NREP: variants seen among roughly 807,000 people sequenced by gnomAD.
NREP encodes the protein neuronal regeneration related protein, also known as neuronal regeneration-related protein.
NREP carries 5 observed loss-of-function variants against 8.6 expected under a neutral mutation model. That is an observed-to-expected ratio of 0.58 (90% CI 0.30 to 1.22). NREP has a LOEUF of 1.22. Ranked by LOEUF, NREP falls within the 50% of genes most tolerant of loss-of-function variation. The pLI is 0.07. For missense variants in NREP, 86 were observed against 82.5 expected (o/e 1.04, Z -0.17); for synonymous variants, 27 against 28.0 (o/e 0.96, Z 0.11).
chr5:111,835,886 C>T (rs1383916330), intron 2 of NREP, among the ~76,000 whole-genome samples: 1 of 152,014 alleles, frequency 6.6e-6, no homozygotes, highest in Non-Finnish European at 1.5e-5. Context: ...TAGTCTGAGA[C>T]TGAAAATGGG....
chr5:111,737,807 CAT>C (rs1015125991), intron 2 of NREP, among the ~76,000 whole-genome samples: 5 of 151,578 alleles, frequency 3.3e-5, no homozygotes, highest in African/African-American at 9.7e-5. Context: ...GCAAAACACA[CAT>C]GACTAAGGAA....
chr5:111,975,421 C>A (rs182177680), intron 1 of NREP: 8 of 1,369,548 alleles, frequency 5.8e-6, no homozygotes, highest in Admixed American at 2.0e-5. Context: ...CACTGACCCC[C>A]CTGAGTGCCA....
intron 3 of NREP, chr5:111,734,322 G>A (rs2112787771): frequency 1.3e-5 from 2 of 159,102 alleles, no homozygotes; most frequent in Non-Finnish European, 2.8e-5. Flanking sequence ...CGTGCCGCTG[G>A]TGTGCTGCTG....
In NREP at chr5:111,757,175, T is replaced by C. The variant is rs959007177; in HGVS notation, c.-98A>G. 2.1e-6 allele frequency: 2 copies of C among 964,402 alleles called. No homozygotes were observed. The highest frequency in any genetic ancestry group is 1.9e-5 in the African/African-American group (1 of 51,616). The allele number at this position is 964,402 out of a possible 1,614,324, so 59.7% of individuals were successfully genotyped here. On this transcript the variant is annotated 5_prime_UTR_variant, in exon 1 of 4. Coordinates refer to ENST00000257435, the MANE Select transcript of NREP (RefSeq NM_004772.4). The stretch of plus-strand genomic sequence containing the variant: ...CTCCCTGTTCACTCTCTCTCCTCTC[T>C]ACACCTGAAACACAAATGTGGTTGA...
At chr5:111,777,400 G>C (rs1452312827) in intron 2 of NREP, among the ~76,000 whole-genome samples, 1 of 151,740 alleles carries the variant, frequency 6.6e-6, no homozygotes, top group Admixed American at 6.6e-5. Flanking sequence ...TTTATTATGA[G>C]AATCTAACAG....
intron 2 of NREP, among the ~76,000 whole-genome samples, chr5:111,853,225 G>T (rs1258229610): frequency 6.6e-6 from 1 of 152,044 alleles, no homozygotes; most frequent in Non-Finnish European, 1.5e-5. Flanking sequence ...TGATTTCCAG[G>T]GGTTAGGAGG....
intron 2 of NREP, among the ~76,000 whole-genome samples, chr5:111,850,991 A>T (rs915707471): frequency 3.3e-5 from 5 of 152,152 alleles, no homozygotes; most frequent in African/African-American, 1.2e-4. Context: ...GTAAGAATTC[A>T]CATCTGGAGG....
intron 2 of NREP, among the ~76,000 whole-genome samples, chr5:111,917,122 A>C (rs1388811703): frequency 6.6e-6 from 1 of 152,066 alleles, no homozygotes; most frequent in African/African-American, 2.4e-5. Flanking sequence ...TCCCGCATGC[A>C]TGGTGTCCTT....
At chr5:111,859,915 C>T (rs1042931217) in intron 2 of NREP, among the ~76,000 whole-genome samples, 1 of 152,148 alleles carries the variant, frequency 6.6e-6, no homozygotes, top group Non-Finnish European at 1.5e-5. Context: ...TTCTTACTCT[C>T]CATCAATTTG....
intron 2 of NREP, among the ~76,000 whole-genome samples, chr5:111,764,596 G>T (rs564601487): frequency 6.6e-6 from 1 of 152,238 alleles, no homozygotes; most frequent in East Asian, 1.9e-4. Context: ...CTCCCACCAG[G>T]TCCCTCCCAC....
chr5:111,901,447 T>TG (rs746180488), intron 2 of NREP, among the ~76,000 whole-genome samples: 1 of 152,086 alleles, frequency 6.6e-6, no homozygotes, highest in Non-Finnish European at 1.5e-5. Context: ...TCAGCACTCT[T>TG]ATTCAACACA....
At chr5:111,950,719 C>G (rs115207586) in intron 2 of NREP, among the ~76,000 whole-genome samples, 2,912 of 148,926 alleles carry the variant, frequency 0.02, 48 homozygotes, top group Non-Finnish European at 0.027. Flanking sequence ...AAAAACCAGA[C>G]AAGCTCATCA....
chr5:111,873,351 G>A (rs1753832079), intron 2 of NREP, among the ~76,000 whole-genome samples: 1 of 152,098 alleles, frequency 6.6e-6, no homozygotes, highest in Non-Finnish European at 1.5e-5. Context: ...TTATCTAATT[G>A]CTATATAGGC....
intron 2 of NREP, among the ~76,000 whole-genome samples, chr5:111,810,105 G>A (rs1040867120): frequency 2.6e-5 from 4 of 152,036 alleles, no homozygotes; most frequent in Non-Finnish European, 4.4e-5. Flanking sequence ...TAGCTAGACC[G>A]AAAGAGGGGT....
intron 2 of NREP, among the ~76,000 whole-genome samples, chr5:111,897,775 A>G (rs916672924): frequency 7.2e-5 from 11 of 152,274 alleles, no homozygotes; most frequent in African/African-American, 2.2e-4. Flanking sequence ...ATTTTGTACT[A>G]ACAAAATTTT....
intron 2 of NREP, among the ~76,000 whole-genome samples, chr5:111,855,765 C>A (rs1753412144): frequency 6.6e-6 from 1 of 152,136 alleles, no homozygotes; most frequent in Non-Finnish European, 1.5e-5. Context: ...TGCAAAGCCA[C>A]CCCTAGGGGT....
chr5:111,754,506 A>C (rs1253808102), intron 2 of NREP, among the ~76,000 whole-genome samples: 2 of 152,198 alleles, frequency 1.3e-5, no homozygotes, highest in East Asian at 3.8e-4. Context: ...AAAATAAGTA[A>C]ACACAAATAC....
chr5:111,798,530 C>T (rs1414127104), intron 2 of NREP, among the ~76,000 whole-genome samples: 3 of 152,006 alleles, frequency 2.0e-5, no homozygotes, highest in Non-Finnish European at 4.4e-5. Context: ...AACTCTTTCC[C>T]CCGAGTCCCC....
chr5:111,889,270 A>G (rs1754336810), intron 2 of NREP, among the ~76,000 whole-genome samples: 1 of 152,210 alleles, frequency 6.6e-6, no homozygotes, highest in Admixed American at 6.5e-5. Flanking sequence ...AAGCAGGAGC[A>G]AGAGAGAGTG....
Sources: gnomAD v4.1 joint callset for allele counts (sites outside exome capture counted in the v4.1 genomes callset) on GRCh38, gnomAD v4.1.1 for gene constraint, MANE v1.5 for transcripts, NCBI Gene and HGNC (gene_info 2026-07-23, HGNC 2026-07-21) for gene names.